RBFOX1: variants seen among roughly 807,000 people sequenced by gnomAD.
RBFOX1 encodes RNA binding fox-1 homolog 1, also known as RNA binding protein fox-1 homolog 1.
A neutral mutation model predicts 57.7 loss-of-function variants in RBFOX1; 8 were observed. That is an observed-to-expected ratio of 0.14 (90% confidence interval 0.08 to 0.25). RBFOX1 has a LOEUF of 0.25. RBFOX1 is among the 10% of genes least tolerant of loss of function. The pLI is 1.00. For missense variants in RBFOX1, 611 were observed against 548.5 expected, an observed-to-expected ratio of 1.11 and a Z score of -1.14; for synonymous variants, 326 against 222.4, an observed-to-expected ratio of 1.47 and a Z score of -4.15.
In RBFOX1 at chr16:6,824,802, A is replaced by T. The variant is rs199644557; in HGVS notation, c.-16+170152A>T. Among the ~76,000 whole-genome samples the T allele has an allele frequency of 4.4e-4, 67 of 152,072 alleles. 1 individual carries two copies. The East Asian group carries it at 0.011, about 25-fold the overall frequency. ...TAAAAGGAATTAAATATATTTTTAA[A>T]TTTGTAATAACATGTCAAAGATAAT... On this transcript the variant is annotated intron_variant, in intron 3 of 15. Coordinates refer to ENST00000550418, the MANE Select transcript of RBFOX1 (RefSeq NM_018723.4).
chr16:6,504,869 C>T (rs751000566), intron 2 of RBFOX1, among the ~76,000 whole-genome samples: 6 of 151,258 alleles, frequency 4.0e-5, no homozygotes, highest in Non-Finnish European at 8.8e-5. Context: ...GCCTGCCCAA[C>T]ATGGTGAAAC....
chr16:6,606,551 G>T (rs1184857730), intron 2 of RBFOX1, among the ~76,000 whole-genome samples: 1 of 152,020 alleles, frequency 6.6e-6, no homozygotes, highest in Non-Finnish European at 1.5e-5. Flanking sequence ...ATTGTGTGTA[G>T]TTCCCCTCCC....
At position 7,495,294 on chromosome 16, in the gene RBFOX1, T is replaced by C. The variant is rs866125320; in HGVS notation, c.28-22853T>C. Among the ~76,000 whole-genome samples, 3 of 152,358 alleles carry C rather than the reference T, an allele frequency of 2.0e-5. No homozygotes were observed. The South Asian group carries it at 6.2e-4, about 32-fold the overall frequency. On this transcript the variant is annotated intron_variant, in intron 4 of 15. Coordinates refer to ENST00000550418, the MANE Select transcript of RBFOX1 (RefSeq NM_018723.4). ...TGATTAACATACTTGTGCAGGTGTC[T>C]TTCTGAGATAACAATTTCTTTTCCT... is the stretch of plus-strand genomic sequence containing the variant.
intron 3 of RBFOX1, among the ~76,000 whole-genome samples, chr16:5,804,697 C>A (rs1483782559): frequency 6.6e-6 from 1 of 152,132 alleles, no homozygotes; most frequent in Non-Finnish European, 1.5e-5. Flanking sequence ...TTACGGTGGC[C>A]TTTCAGCAAG....
intron 4 of RBFOX1, among the ~76,000 whole-genome samples, chr16:7,077,735 T>C (rs76874299): frequency 0.019 from 2,918 of 152,340 alleles, 116 homozygotes; most frequent in African/African-American, 0.067. Context: ...GTTGTGCAAG[T>C]ATTAGTCGTA....
At chr16:7,053,664 T>G (rs1385462055) in intron 4 of RBFOX1, among the ~76,000 whole-genome samples, 3 of 152,180 alleles carry the variant, frequency 2.0e-5, no homozygotes, top group Non-Finnish European at 4.4e-5. Context: ...TATTTCCCAT[T>G]TATGAGTCCA....
At chr16:6,903,738 C>G (rs527877493) in intron 3 of RBFOX1, among the ~76,000 whole-genome samples, 119 of 152,012 alleles carry the variant, frequency 7.8e-4, no homozygotes, top group Non-Finnish European at 1.4e-3. Context: ...AATAGGACCT[C>G]AAAAGAAAGA....
At chr16:6,226,108 C>G (rs1185010706) in intron 1 of RBFOX1, among the ~76,000 whole-genome samples, 1 of 151,398 alleles carries the variant, frequency 6.6e-6, no homozygotes, top group African/African-American at 2.4e-5. Context: ...GCCTGTAATC[C>G]CAGCACTTTG....
chr16:6,556,676 A>G (rs2097102349), intron 2 of RBFOX1, among the ~76,000 whole-genome samples: 1 of 152,242 alleles, frequency 6.6e-6, no homozygotes, highest in Non-Finnish European at 1.5e-5. Flanking sequence ...TTGTTTTGTT[A>G]TAATCACATG....
chr16:5,482,177 A>G (rs2069567014), intron 2 of RBFOX1, among the ~76,000 whole-genome samples: 1 of 152,168 alleles, frequency 6.6e-6, no homozygotes, highest in Admixed American at 6.5e-5. Context: ...TTCAAGTCCC[A>G]GGATTTGTAA....
At chr16:5,266,195 A>G (rs2062852881) in intron 1 of RBFOX1, among the ~76,000 whole-genome samples, 1 of 152,172 alleles carries the variant, frequency 6.6e-6, no homozygotes, top group African/African-American at 2.4e-5. Flanking sequence ...TTCAGCTGTG[A>G]CACTGCTGAC....
intron 4 of RBFOX1, among the ~76,000 whole-genome samples, chr16:7,162,319 A>G (rs912686126): frequency 1.3e-5 from 2 of 152,166 alleles, no homozygotes; most frequent in Non-Finnish European, 2.9e-5. Flanking sequence ...ACACATATGT[A>G]TGTATATATC....
In RBFOX1 at chr16:5,578,052, A is replaced by G. The variant is rs939720774; in HGVS notation, c.259-20850A>G. 6.6e-5 allele frequency among the ~76,000 whole-genome samples: 10 copies of G among 152,304 alleles called. No homozygotes were observed. The East Asian group carries it at 1.9e-3, about 29-fold the overall frequency. On this transcript the variant is annotated intron_variant, in intron 2 of 2. Coordinates refer to the RBFOX1 transcript ENST00000585867. Reference sequence around the variant, plus strand: ...CTGCCACCTCCACCTTCCAGGTTCAAGCGGTTCTCCTGCCTCATCCTCCCG... The same window carrying G: ...CTGCCACCTCCACCTTCCAGGTTCAGGCGGTTCTCCTGCCTCATCCTCCCG...
chr16:5,599,329 T>C (rs779870562), exon 3 of RBFOX1: 3 of 615,684 alleles, frequency 4.9e-6, no homozygotes, highest in Non-Finnish European at 8.7e-6. Context: ...TCGAATGTCA[T>C]TGGGTTGTCT....
At chr16:6,534,524 G>A (rs987578383) in intron 2 of RBFOX1, among the ~76,000 whole-genome samples, 1 of 152,086 alleles carries the variant, frequency 6.6e-6, no homozygotes, top group African/African-American at 2.4e-5. Context: ...TCATGCCATT[G>A]GGAAAGGACA....
At chr16:7,687,819 G>C (rs1397022960) in intron 14 of RBFOX1, among the ~76,000 whole-genome samples, 2 of 151,936 alleles carry the variant, frequency 1.3e-5, no homozygotes, top group African/African-American at 4.8e-5. Context: ...ACTGTTTCCT[G>C]AAGAGGCAAG....
intron 2 of RBFOX1, among the ~76,000 whole-genome samples, chr16:6,562,889 T>TCTTTCTTTCTTTC (rs1567694297): frequency 1.5e-4 from 22 of 142,924 alleles, no homozygotes; most frequent in Admixed American, 1.1e-3. Context: ...TCTTTTTTTT[T>TCTTTCTTTCTTTC]TTTTTTTTTG....
chr16:7,402,859 C>G (rs150538195), intron 4 of RBFOX1, among the ~76,000 whole-genome samples: 1 of 152,154 alleles, frequency 6.6e-6, no homozygotes, highest in Non-Finnish European at 1.5e-5. Context: ...GGGGACATCA[C>G]CTAACTCATT....
At chr16:5,822,446 A>G (rs1386106722) in intron 3 of RBFOX1, among the ~76,000 whole-genome samples, 2 of 152,170 alleles carry the variant, frequency 1.3e-5, no homozygotes, top group Non-Finnish European at 2.9e-5. Flanking sequence ...AAAATTAATA[A>G]ATACAAATAA....
Sources: allele counts gnomAD v4.1 joint callset (sites outside exome capture counted in the v4.1 genomes callset), GRCh38; gene constraint gnomAD v4.1.1; transcripts MANE v1.5; gene names NCBI Gene and HGNC (gene_info 2026-07-23, HGNC 2026-07-21).